Variants in CHRNA3 observed in about 807,000 individuals in gnomAD.
CHRNA3 encodes the protein neuronal acetylcholine receptor subunit alpha-3.
Under a neutral mutation model 41.9 loss-of-function variants are expected in CHRNA3, and 34 were observed. The ratio of observed to expected loss-of-function variants is 0.81; its 90% CI spans 0.62 to 1.08. CHRNA3 has a LOEUF of 1.08. Among genes scored for constraint, CHRNA3 ranks in the 50% least tolerant of loss-of-function variants. The pLI, the probability that CHRNA3 is intolerant of heterozygous loss-of-function variation, is 0.00. For synonymous variants in CHRNA3, 281 were observed against 265.2 expected (o/e 1.06, Z -0.58); for missense variants, 542 against 638.3 (o/e 0.85, Z 1.63).
intron 5 of CHRNA3, among the ~76,000 whole-genome samples, chr15:78,597,198 C>T (rs554783801): frequency 2.6e-5 from 4 of 152,236 alleles, no homozygotes; most frequent in East Asian, 3.9e-4. Flanking sequence ...AGGCTGAGAT[C>T]ACCTGAGGTC....
chr15:78,616,979 C>G lies in CHRNA3; in HGVS notation c.377+45G>C, dbSNP rs371009765. ...GCACAGTGGGCCAAAAACCCAGAGC[C>G]CAGGCTGACAGCCCTGAGAGGGCGT... is the stretch of plus-strand genomic sequence containing the variant. On this transcript the variant is annotated intron_variant, in intron 4 of 5. Coordinates refer to ENST00000326828, the MANE Select transcript of CHRNA3 (RefSeq NM_000743.5). The G allele has an allele frequency of 4.9e-6, 7 of 1,416,160 alleles. No individual in the cohort carries two copies. In the African/African-American group the frequency reaches 9.9e-5, roughly 20 times the overall value. 87.7% of individuals were successfully genotyped at this position (1,416,160 alleles called of 1,614,324 possible). A position where few individuals can be genotyped will look rare whatever the true frequency, so the allele number is the denominator to read the frequency against.
chr15:78,619,715 C>G (rs1027103161), intron 1 of CHRNA3: 14 of 152,528 alleles, frequency 9.2e-5, no homozygotes, highest in African/African-American at 3.1e-4. Flanking sequence ...CTAAGCCACA[C>G]CCCAGCACAA....
intron 4 of CHRNA3, among the ~76,000 whole-genome samples, chr15:78,611,358 A>G (rs1291158464): frequency 2.0e-5 from 3 of 151,792 alleles, no homozygotes; most frequent in Non-Finnish European, 4.4e-5. Flanking sequence ...AGCACATCAA[A>G]AAGCTTATCC....
At chr15:78,602,341 C>T (rs2053219214) in intron 4 of CHRNA3, 77 bp from the exon 5 acceptor site, 1 of 1,447,304 alleles carries the variant, frequency 6.9e-7, no homozygotes, top group African/African-American at 1.4e-5. Context: ...CAACCAGCTT[C>T]TCACAGTAAG....
chr15:78,605,517 A>AC (rs2053270234), intron 4 of CHRNA3, among the ~76,000 whole-genome samples: 2 of 136,016 alleles, frequency 1.5e-5, no homozygotes, highest in Non-Finnish European at 3.5e-5. Context: ...AAAGACGAGG[A>AC]CCCCACTCTG....
At chr15:78,602,603 C>T (rs1311523082) in intron 4 of CHRNA3, among the ~76,000 whole-genome samples, 1 of 152,186 alleles carries the variant, frequency 6.6e-6, no homozygotes, top group Non-Finnish European at 1.5e-5. Context: ...GAAGGTCATC[C>T]TCCTGGAGCC....
chr15:78,605,417 G>A (rs1228138829), intron 4 of CHRNA3, among the ~76,000 whole-genome samples: 3 of 152,164 alleles, frequency 2.0e-5, no homozygotes, highest in East Asian at 1.9e-4. Flanking sequence ...GCGGGGTAGA[G>A]GCAGCCGGGG....
chr15:78,620,056 A>C (rs1467900353), intron 1 of CHRNA3: 1 of 152,618 alleles, frequency 6.6e-6, no homozygotes, highest in Non-Finnish European at 1.5e-5. Context: ...GCTACCCACC[A>C]GCCCTCCCAG....
At chr15:78,614,488 C>G (rs2053433112) in intron 4 of CHRNA3, among the ~76,000 whole-genome samples, 1 of 152,184 alleles carries the variant, frequency 6.6e-6, no homozygotes, top group Non-Finnish European at 1.5e-5. Flanking sequence ...CATGGACTGT[C>G]TTTAGAGTGA....
intron 4 of CHRNA3, among the ~76,000 whole-genome samples, chr15:78,616,606 C>A (rs1276647392): frequency 6.6e-6 from 1 of 152,128 alleles, no homozygotes; most frequent in African/African-American, 2.4e-5. Flanking sequence ...TGGTCCTTGG[C>A]CCATGGATCT....
rs2053475163 is a variant in CHRNA3, at chr15:78,617,147, G to T, written c.268-14C>A. ...GTCATTCCAGATCTCGGGGAAGGAA[G>T]CAGGGAGGGAGAAGGAGACGGTAAA... On this transcript the variant is annotated splice_polypyrimidine_tract_variant and intron_variant, in intron 3 of 5. Transcript: ENST00000326828. 5 of 1,549,430 alleles carry T rather than the reference G, an allele frequency of 3.2e-6. No individual in the cohort carries two copies. The highest frequency in any genetic ancestry group is 4.5e-6 in the Non-Finnish European group (5 of 1,122,476).
intron 4 of CHRNA3, among the ~76,000 whole-genome samples, chr15:78,615,311 C>G (rs2053444364): frequency 6.6e-6 from 1 of 152,156 alleles, no homozygotes; most frequent in Admixed American, 6.5e-5. Flanking sequence ...GGCAGGTTTG[C>G]TGTTGGGAGA....
chr15:78,615,926 G>A (rs1479914709), intron 4 of CHRNA3, among the ~76,000 whole-genome samples: 2 of 147,548 alleles, frequency 1.4e-5, no homozygotes, highest in African/African-American at 5.0e-5. Flanking sequence ...ATTTTTAGTA[G>A]AGATGGGGTT....
intron 4 of CHRNA3, among the ~76,000 whole-genome samples, chr15:78,615,555 C>G (rs952379100): frequency 2.0e-5 from 3 of 152,154 alleles, no homozygotes; most frequent in African/African-American, 7.2e-5. Flanking sequence ...GCTGGTCACA[C>G]AGCCCCCAGG....
In CHRNA3 at chr15:78,596,581, C is replaced by T. The variant is rs371646922; in HGVS notation, c.*23G>A. ...CCTGCCCTGACACAAGGAAGTCTCCCAGGCAGGCACACAGCTTAGTGCTTA... is the reference window on the plus strand; with the variant it reads ...CCTGCCCTGACACAAGGAAGTCTCCTAGGCAGGCACACAGCTTAGTGCTTA... On this transcript the variant is annotated 3_prime_UTR_variant, in exon 6 of 6. Transcript: ENST00000326828. The T allele has an allele frequency of 6.6e-7, 1 of 1,524,922 alleles. No homozygotes were observed. Among genetic ancestry groups the T allele is most frequent in the Admixed American group, 2.3e-5 (1 of 43,952 alleles). 94.5% of individuals were successfully genotyped at this position (1,524,922 alleles called of 1,614,324 possible).
chr15:78,602,344 A>G, intron 4 of CHRNA3, 80 bp from the exon 5 acceptor site: 1 of 1,427,520 alleles, frequency 7.0e-7, no homozygotes, highest in Admixed American at 2.2e-5. Context: ...CCAGCTTCTC[A>G]CAGTAAGTAA....
chr15:78,598,177 T>C (rs2053141704), intron 5 of CHRNA3, among the ~76,000 whole-genome samples: 2 of 152,154 alleles, frequency 1.3e-5, no homozygotes, highest in South Asian at 2.1e-4. Context: ...CCATGACCGC[T>C]CTTAGCCTCA....
chr15:78,596,440 A>ATT lies in CHRNA3; in HGVS notation c.*162_*163dup. On this transcript the variant is annotated 3_prime_UTR_variant, in exon 6 of 6. Coordinates refer to ENST00000326828, the MANE Select transcript of CHRNA3 (RefSeq NM_000743.5). Reference sequence around the variant, plus strand: ...TTTATCGGTAATAAATACTCTTGACATTTTTTTTTTTGCATGATTCCAAGA... The same window carrying ATT: ...TTTATCGGTAATAAATACTCTTGACATTTTTTTTTTTTTGCATGATTCCAAGA... 1.7e-5 allele frequency: 19 copies of ATT among 1,125,890 alleles called. No individual in the cohort carries two copies. Among genetic ancestry groups the ATT allele is most frequent in the South Asian group, 5.9e-5 (2 of 33,654 alleles). 69.7% of individuals were successfully genotyped at this position (1,125,890 alleles called of 1,614,324 possible). A position where few individuals can be genotyped will look rare whatever the true frequency, so the allele number is the denominator to read the frequency against.
In CHRNA3 at chr15:78,610,267, C is replaced by T. The variant is rs1160447995; in HGVS notation, c.377+6757G>A. On this transcript the variant is annotated intron_variant, in intron 4 of 5. Coordinates refer to ENST00000326828, the MANE Select transcript of CHRNA3 (RefSeq NM_000743.5). ...AACTCTCCACCCCAAATCAACAGAA[C>T]ATACATTTTTTTCAGCACCACACCA... is the stretch of plus-strand genomic sequence containing the variant. Among the ~76,000 whole-genome samples, 163 of 152,236 alleles carry T rather than the reference C, an allele frequency of 1.1e-3. 2 individuals are homozygous for T. The highest frequency in any genetic ancestry group is 3.5e-3 in the South Asian group (17 of 4,826).
Sources: allele counts gnomAD v4.1 joint callset (sites outside exome capture counted in the v4.1 genomes callset), GRCh38; gene constraint gnomAD v4.1.1; transcripts MANE v1.5; gene names NCBI Gene and HGNC (gene_info 2026-07-23, HGNC 2026-07-21).